The following DNAH12 variants were observed in gnomAD, a reference collection of about 807,000 sequenced individuals.
The protein encoded by DNAH12 is dynein axonemal heavy chain 12, also known as axonemal beta dynein heavy chain 12.
A neutral mutation model predicts 371.5 loss-of-function variants in DNAH12; 285 were observed. The ratio of observed to expected loss-of-function variants is 0.77; its 90% CI spans 0.70 to 0.85. The LOEUF is 0.85. Ranked by LOEUF, DNAH12 falls within the 40% of genes least tolerant of loss-of-function variation. The probability of loss-of-function intolerance (pLI) is 0.00; values close to 1 mark genes in which losing one functional copy is unlikely to be tolerated. For synonymous variants in DNAH12, 1,200 were observed against 1,213.0 expected (o/e 0.99, Z 0.22); for missense variants, 3,611 against 3,689.4 (o/e 0.98, Z 0.55).
chr3:57,445,617 G>A (rs972112761), intron 27 of DNAH12, among the ~76,000 whole-genome samples, 198 bp from the exon 28 acceptor site: 13 of 151,790 alleles, frequency 8.6e-5, no homozygotes, highest in African/African-American at 2.9e-4. Context: ...AAAAGTTTTG[G>A]GAGGGAAATT....
chr3:57,525,154 C>CAAAAAAAAAAA (rs5849213), intron 2 of DNAH12, among the ~76,000 whole-genome samples: 2 of 109,462 alleles, frequency 1.8e-5, no homozygotes, highest in Admixed American at 1.0e-4. Flanking sequence ...AGAGGAGAAA[C>CAAAAAAAAAAA]AAAAAAAAAA....
At chr3:57,453,157 C>A (rs529994540) in intron 24 of DNAH12, 90 bp downstream of exon 24, 20 of 1,466,610 alleles carry the variant, frequency 1.4e-5, no homozygotes, top group Non-Finnish European at 1.8e-5. Flanking sequence ...TAAAAAAATT[C>A]TGTTGAGAGA....
chr3:57,472,435 G>T, intron 14 of DNAH12, 111 bp downstream of exon 14: 1 of 1,351,820 alleles, frequency 7.4e-7, no homozygotes, highest in Non-Finnish European at 1.0e-6. Flanking sequence ...AACTCATATT[G>T]ACACACAAAA....
chr3:57,403,518 ATTTT>A lies in DNAH12; in HGVS notation c.6756-21_6756-18del. 2 of 1,531,164 alleles carry A rather than the reference ATTTT, an allele frequency of 1.3e-6. No individual in the cohort carries two copies. The highest frequency in any genetic ancestry group is 1.8e-6 in the Non-Finnish European group (2 of 1,137,372). 94.8% of individuals were successfully genotyped at this position (1,531,164 alleles called of 1,614,324 possible). Reference sequence around the variant, plus strand: ...AAAACATACCTACCACAAAAGAAAAATTTTATTAATGCATTACAATATAAATGTA... The same window carrying A: ...AAAACATACCTACCACAAAAGAAAAAATTAATGCATTACAATATAAATGTA... On this transcript the variant is annotated intron_variant, in intron 42 of 73. Coordinates refer to ENST00000495027, the MANE Select transcript of DNAH12 (RefSeq NM_001366028.2).
At chr3:57,512,521 G>C (rs1423860591) in intron 4 of DNAH12, 4 of 152,204 alleles carry the variant, frequency 2.6e-5, no homozygotes, top group African/African-American at 9.7e-5. Context: ...CCTGTGCAAG[G>C]ATGGACACAA....
chr3:57,523,923 AT>A (rs1371805409), intron 2 of DNAH12, 39 bp from the exon 3 acceptor site: 3 of 1,397,152 alleles, frequency 2.1e-6, no homozygotes, highest in East Asian at 4.7e-5. Flanking sequence ...TCTTGATAAC[AT>A]TAGCATAAGT....
intron 60 of DNAH12, among the ~76,000 whole-genome samples, chr3:57,349,727 T>C (rs1224275747): frequency 6.6e-6 from 1 of 152,218 alleles, no homozygotes; most frequent in Non-Finnish European, 1.5e-5. Context: ...TCCCACTCTG[T>C]AGCTCAAGCT....
intron 9 of DNAH12, among the ~76,000 whole-genome samples, chr3:57,502,924 C>G (rs559272818): frequency 6.6e-6 from 1 of 152,330 alleles, no homozygotes; most frequent in African/African-American, 2.4e-5. Flanking sequence ...AGGCAATCCG[C>G]CCGCCTCATC....
intron 52 of DNAH12, among the ~76,000 whole-genome samples, chr3:57,377,548 CAT>C (rs2063305814): frequency 6.6e-6 from 1 of 151,202 alleles, no homozygotes; most frequent in African/African-American, 2.4e-5. Flanking sequence ...AACAGAAAAA[CAT>C]ATAACATGAA....
chr3:57,456,460 C>T (rs2065904807), intron 22 of DNAH12, among the ~76,000 whole-genome samples: 1 of 152,200 alleles, frequency 6.6e-6, no homozygotes, highest in Non-Finnish European at 1.5e-5. Context: ...ACGTGTTTAT[C>T]ATTCAAGATT....
At chr3:57,355,892 T>G (rs1200194497) in intron 59 of DNAH12, among the ~76,000 whole-genome samples, 1 of 152,210 alleles carries the variant, frequency 6.6e-6, no homozygotes, top group Non-Finnish European at 1.5e-5. Context: ...CAGCAGTTAG[T>G]AAATACCAGA....
At chr3:57,340,791 T>C (rs184984757) in intron 60 of DNAH12, among the ~76,000 whole-genome samples, 23 of 152,240 alleles carry the variant, frequency 1.5e-4, no homozygotes, top group Non-Finnish European at 2.8e-4. Context: ...AGGGAATTCT[T>C]CCAAACCCAT....
chr3:57,425,834 T>C (rs944670554), intron 34 of DNAH12, among the ~76,000 whole-genome samples: 4 of 152,074 alleles, frequency 2.6e-5, no homozygotes, highest in African/African-American at 9.7e-5. Context: ...ACTATACCTA[T>C]GTGGCAAGCT....
At chr3:57,408,715 T>A (rs1276806906) in intron 39 of DNAH12, among the ~76,000 whole-genome samples, 180 bp from the exon 40 acceptor site, 138 of 151,148 alleles carry the variant, frequency 9.1e-4, no homozygotes, top group Non-Finnish European at 1.5e-3. Context: ...CTCCCCTCAG[T>A]GACTGATTCT....
At chr3:57,470,212 T>A (rs1273779094) in intron 16 of DNAH12, among the ~76,000 whole-genome samples, 3 of 152,136 alleles carry the variant, frequency 2.0e-5, no homozygotes, top group Non-Finnish European at 4.4e-5. Flanking sequence ...CACATGAGCA[T>A]GAAAATCCAA....
Position 57,421,686 on chromosome 3 carries a change from C to A in DNAH12, c.5394G>T (p.Leu1798Phe). 1 of 1,551,432 alleles carries A rather than the reference C, an allele frequency of 6.4e-7. No homozygotes were observed. Among genetic ancestry groups the A allele is most frequent in the Non-Finnish European group, 8.7e-7 (1 of 1,146,914 alleles). ...VWIMACFIFS[L>F]IWSIGGSCDT... ...CACAACTTCCTCCAATCGACCAAAT[C>A]AAAGAGAATATAAAGCAAGCCTGTT... The change falls in exon 36 of 74, where the codon TTG becomes TTT. Residue 1798 changes from leucine (L) to phenylalanine (F), a missense_variant. Physicochemically the swap from Leu to Phe is conservative, Grantham distance 22. This residue lies in a region of DNAH12 where 2,266 missense variants were observed against 2,236.9 expected (regional missense o/e 1.01). Transcript: ENST00000495027.
intron 27 of DNAH12, 45 bp downstream of exon 27, chr3:57,445,986 A>G: frequency 1.4e-6 from 2 of 1,442,410 alleles, no homozygotes; most frequent in Non-Finnish European, 1.8e-6. Context: ...AGACTGTTTC[A>G]AAAACATAAA....
At chr3:57,389,822 G>GTGTGTATATATATATATATATATATATA (rs1326306277) in intron 45 of DNAH12, among the ~76,000 whole-genome samples, 31 of 45,824 alleles carry the variant, frequency 6.8e-4, no homozygotes, top group South Asian at 4.9e-3. Context: ...GTGTGTGTGT[G>GTGTGTATATATATATATATATATATATA]TATATATATA....
In DNAH12 at chr3:57,486,268, T is replaced by G. The variant is rs116173892; in HGVS notation, c.1515-2757A>C. 9.3e-3 allele frequency among the ~76,000 whole-genome samples: 1,417 copies of G among 152,166 alleles called. 28 individuals carry two copies. The highest frequency in any genetic ancestry group is 0.032 in the African/African-American group (1,319 of 41,518). On this transcript the variant is annotated intron_variant, in intron 12 of 73. Coordinates refer to ENST00000495027, the MANE Select transcript of DNAH12 (RefSeq NM_001366028.2). Reference sequence around the variant, plus strand: ...AATTTTAAAAATTAAAATTAATTTTTTCTTTTAAAAAAATATCTAGCCCAG... The same window carrying G: ...AATTTTAAAAATTAAAATTAATTTTGTCTTTTAAAAAAATATCTAGCCCAG...
Sources: gnomAD v4.1 joint callset for allele counts (sites outside exome capture counted in the v4.1 genomes callset) on GRCh38, gnomAD v4.1.1 for gene constraint, gnomAD v4.1.1 regional missense constraint, MANE v1.5 for transcripts, NCBI Gene and HGNC (gene_info 2026-07-23, HGNC 2026-07-21) for gene names.